Variants in PTDSS1 observed in about 807,000 individuals in gnomAD.
The protein encoded by PTDSS1 is PSS-1.
PTDSS1 carries 45 observed loss-of-function variants against 70.5 expected under a neutral mutation model. That is an observed-to-expected ratio of 0.64 (90% CI 0.50 to 0.82). PTDSS1 has a LOEUF of 0.82. Among genes scored for constraint, PTDSS1 ranks in the 40% least tolerant of loss-of-function variants. PTDSS1 has a pLI of 0.00. For synonymous variants in PTDSS1, 188 were observed against 203.8 expected (o/e 0.92, Z 0.66); for missense variants, 417 against 586.1 (o/e 0.71, Z 2.98).
intron 1 of PTDSS1, among the ~76,000 whole-genome samples, chr8:96,264,287 G>C (rs1384049199): frequency 6.6e-6 from 1 of 152,176 alleles, no homozygotes; most frequent in African/African-American, 2.4e-5. Context: ...TTTGTCATGA[G>C]GATTAAATTC....
chr8:96,262,226 C>T lies in PTDSS1; in HGVS notation c.179+7C>T. ...TGTACTTCGCCTTTACCAGGTGGGG[C>T]GGCCCAGCCGAGCGGGGGGCGCGTC... On this transcript the variant is annotated splice_region_variant and intron_variant, in intron 1 of 12. Coordinates refer to ENST00000517309, the MANE Select transcript of PTDSS1 (RefSeq NM_014754.3). The surrounding 1 kb of genome is among the most constrained non-coding windows in gnomAD (Gnocchi z 4.4). 1.5e-6 allele frequency: 2 copies of T among 1,377,182 alleles called. No individual in the cohort carries two copies. The highest frequency in any genetic ancestry group is 1.9e-6 in the Non-Finnish European group (2 of 1,030,046). The allele number at this position is 1,377,182 out of a possible 1,614,324, so 85.3% of individuals were successfully genotyped here. A position where few individuals can be genotyped will look rare whatever the true frequency, so the allele number is the denominator to read the frequency against.
At chr8:96,289,052 A>G (rs1810865427) in intron 4 of PTDSS1, among the ~76,000 whole-genome samples, 1 of 151,864 alleles carries the variant, frequency 6.6e-6, no homozygotes, top group South Asian at 2.1e-4. Context: ...CTCCTGCCTC[A>G]GCCTCCCAAA....
At chr8:96,314,321 A>T (rs1378674603) in intron 9 of PTDSS1, among the ~76,000 whole-genome samples, 1 of 152,096 alleles carries the variant, frequency 6.6e-6, no homozygotes. Context: ...TGATGGGATT[A>T]CAGGCATTGG....
chr8:96,329,336 G>T (rs901714345), intron 10 of PTDSS1, among the ~76,000 whole-genome samples: 2 of 126,026 alleles, frequency 1.6e-5, no homozygotes, highest in African/African-American at 5.1e-5. Context: ...TTGCAGTGGG[G>T]AAGGTGTGGC....
intron 1 of PTDSS1, among the ~76,000 whole-genome samples, chr8:96,263,923 C>CT (rs1468262547): frequency 1.3e-5 from 2 of 152,214 alleles, no homozygotes; most frequent in African/African-American, 4.8e-5. Flanking sequence ...TCATTTGACT[C>CT]TTGGTTCTTG....
chr8:96,276,040 C>T (rs1810636331), intron 2 of PTDSS1, among the ~76,000 whole-genome samples: 2 of 152,214 alleles, frequency 1.3e-5, no homozygotes. Flanking sequence ...TTTCCTTGAC[C>T]TGTGTTATTT....
intron 4 of PTDSS1, among the ~76,000 whole-genome samples, chr8:96,293,098 T>C (rs1810929965): frequency 6.6e-6 from 1 of 152,212 alleles, no homozygotes; most frequent in Non-Finnish European, 1.5e-5. Context: ...CTTACACACA[T>C]GCATGCACGT....
intron 2 of PTDSS1, among the ~76,000 whole-genome samples, chr8:96,281,811 A>G (rs1810741386): frequency 6.6e-6 from 1 of 152,134 alleles, no homozygotes; most frequent in African/African-American, 2.4e-5. Flanking sequence ...TGATGGAACT[A>G]AGGAGGACTC....
intron 5 of PTDSS1, among the ~76,000 whole-genome samples, chr8:96,298,896 C>T (rs1811012210): frequency 2.6e-5 from 4 of 151,854 alleles, no homozygotes; most frequent in Admixed American, 6.6e-5. Context: ...AAAAATTAGC[C>T]GGGCATGGTG....
Position 96,262,548 on chromosome 8 carries a change from C to T in PTDSS1, c.179+329C>T, listed in dbSNP as rs948559844. Among the ~76,000 whole-genome samples, 6 of 152,186 alleles carry T rather than the reference C, an allele frequency of 3.9e-5. No homozygotes were observed. The highest frequency in any genetic ancestry group is 8.8e-5 in the Non-Finnish European group (6 of 68,030). ...CACAACATCACGACGCGGGCCCCTC[C>T]TCTGCACTGCTCCAGCCTTCGTCCC... On this transcript the variant is annotated intron_variant, in intron 1 of 12. Coordinates refer to ENST00000517309, the MANE Select transcript of PTDSS1 (RefSeq NM_014754.3). This position sits in a 1 kb window ranked among gnomAD's most constrained non-coding sequence, Gnocchi z 4.4.
chr8:96,315,530 T>C (rs1811275928), intron 9 of PTDSS1, among the ~76,000 whole-genome samples: 1 of 152,200 alleles, frequency 6.6e-6, no homozygotes, highest in Non-Finnish European at 1.5e-5. Flanking sequence ...CCTGCCACCA[T>C]GCCTGTTCCA....
chr8:96,336,068 G>A lies in PTDSS1; in HGVS notation c.*2502G>A, dbSNP rs1485470329. On this transcript the variant is annotated 3_prime_UTR_variant, in exon 13 of 13. Coordinates refer to ENST00000517309, the MANE Select transcript of PTDSS1 (RefSeq NM_014754.3). ...TTCCCAAAGCTTCTTCCCACATTTC[G>A]TTTGTGTCTGTTTCCACCATTCATA... The A allele has an allele frequency of 3.3e-5, 5 of 151,550 alleles. No individual in the cohort carries two copies. Among genetic ancestry groups the A allele is most frequent in the Non-Finnish European group, 7.4e-5 (5 of 67,962 alleles). 9.4% of individuals were successfully genotyped at this position (151,550 alleles called of 1,614,324 possible). A position where few individuals can be genotyped will look rare whatever the true frequency, so the allele number is the denominator to read the frequency against.
chr8:96,289,658 G>A (rs146174871), intron 4 of PTDSS1, among the ~76,000 whole-genome samples: 116 of 152,278 alleles, frequency 7.6e-4, no homozygotes, highest in Non-Finnish European at 7.9e-4. Context: ...AAAGGAGAAC[G>A]GGAATTTGGG....
Position 96,273,375 on chromosome 8 carries a change from TTAGCTTTCCCCAATGG to T in PTDSS1, c.259_271+3del. ...TTTCTTCTTTCTTATCATCAGTGTG[TTAGCTTTCCCCAATGG>T]TAAGTAATGTCATGCATTACCACAT... On this transcript the variant is annotated splice_donor_variant and coding_sequence_variant, in exon 2 of 13. Transcript: ENST00000517309. LOFTEE classifies it high-confidence loss of function. 2 of 1,611,444 alleles carry T rather than the reference TTAGCTTTCCCCAATGG, an allele frequency of 1.2e-6. No individual in the cohort carries two copies. The highest frequency in any genetic ancestry group is 1.7e-6 in the Non-Finnish European group (2 of 1,178,574).
At chr8:96,318,857 T>C (rs190144034) in intron 9 of PTDSS1, among the ~76,000 whole-genome samples, 3 of 150,760 alleles carry the variant, frequency 2.0e-5, no homozygotes, top group African/African-American at 7.3e-5. Context: ...CCACTATGTC[T>C]GCCAGTAAGC....
Position 96,336,350 on chromosome 8 carries a change from A to C in PTDSS1, c.*2784A>C, listed in dbSNP as rs1317733570. 1.3e-5 allele frequency: 2 copies of C among 151,726 alleles called. No individual in the cohort carries two copies. Among genetic ancestry groups the C allele is most frequent in the Admixed American group, 6.6e-5 (1 of 15,248 alleles). 9.4% of individuals were successfully genotyped at this position (151,726 alleles called of 1,614,324 possible). On this transcript the variant is annotated 3_prime_UTR_variant, in exon 13 of 13. Transcript: ENST00000517309. ...ATGATGCCTCTTTATGCCAAGGCCC[A>C]CCCTTTGGAATTGGGAGGGTTTTGG... is the stretch of plus-strand genomic sequence containing the variant.
chr8:96,275,396 G>C (rs1810626262), intron 2 of PTDSS1, among the ~76,000 whole-genome samples: 1 of 152,158 alleles, frequency 6.6e-6, no homozygotes, highest in Admixed American at 6.5e-5. Context: ...CTTGGCATCA[G>C]GCAATCCTCC....
At chr8:96,333,371 C>T in intron 12 of PTDSS1, 86 bp from the exon 13 acceptor site, 8 of 1,220,538 alleles carry the variant, frequency 6.6e-6, no homozygotes, top group Non-Finnish European at 9.7e-6. Context: ...GAACCTGTTC[C>T]CCGGCAAGCC....
At chr8:96,329,127 T>G (rs1363479554) in intron 10 of PTDSS1, among the ~76,000 whole-genome samples, 5 of 152,164 alleles carry the variant, frequency 3.3e-5, no homozygotes, top group African/African-American at 1.2e-4. Flanking sequence ...AGAAGGTCCC[T>G]CCATGCTCTC....
Sources: allele counts gnomAD v4.1 joint callset (sites outside exome capture counted in the v4.1 genomes callset), GRCh38; gene constraint gnomAD v4.1.1; non-coding constraint Gnocchi (gnomAD v3.1); transcripts MANE v1.5; gene names NCBI Gene and HGNC (gene_info 2026-07-23, HGNC 2026-07-21).